The following CHM variants were observed in gnomAD, a reference collection of about 807,000 sequenced individuals.
CHM encodes rab proteins geranylgeranyltransferase component A 1.
CHM carries 10 observed loss-of-function variants against 49.0 expected under a neutral mutation model. The observed-to-expected ratio is 0.20, with a 90% CI of 0.13 to 0.35. The LOEUF is 0.35. Ranked by LOEUF, CHM falls within the 10% of genes least tolerant of loss-of-function variation. The pLI is 1.00. For missense variants in CHM, 455 were observed against 478.4 expected (o/e 0.95, Z 0.46); for synonymous variants, 184 against 167.5 (o/e 1.10, Z -0.76).
intron 2 of CHM, among the ~76,000 whole-genome samples, chrX:85,993,822 AC>A (rs1340380065): frequency 9.0e-6 from 1 of 111,727 alleles, no homozygotes; most frequent in Non-Finnish European, 1.9e-5. Flanking sequence ...CCACCATAAA[AC>A]TAATGATGGA....
chrX:85,934,607 C>A (rs1928670285), intron 8 of CHM, among the ~76,000 whole-genome samples: 1 of 109,733 alleles, frequency 9.1e-6, no homozygotes, highest in South Asian at 4.0e-4. Flanking sequence ...CTACAAAGGA[C>A]ATGAACTCAT....
At chrX:85,972,663 G>A (rs892895157) in intron 4 of CHM, among the ~76,000 whole-genome samples, 3 of 112,719 alleles carry the variant, frequency 2.7e-5, no homozygotes, top group Admixed American at 9.2e-5. Flanking sequence ...TGCGGGGCCC[G>A]CCAAGCCCAC....
At chrX:85,913,407 AAGG>A (rs1927247053) in intron 8 of CHM, among the ~76,000 whole-genome samples, 1 of 100,087 alleles carries the variant, frequency 1.0e-5, no homozygotes, top group Non-Finnish European at 2.1e-5. Context: ...GGAAAGGAGA[AAGG>A]AGACGGGAGA....
intron 4 of CHM, among the ~76,000 whole-genome samples, chrX:85,977,004 A>T (rs1292246113): frequency 2.7e-3 from 302 of 111,750 alleles, no homozygotes; most frequent in African/African-American, 9.4e-3. Context: ...TATAATGTAA[A>T]ACTTTGTGAC....
chrX:86,039,510 CAAA>C (rs769393073), intron 1 of CHM, among the ~76,000 whole-genome samples: 3 of 40,191 alleles, frequency 7.5e-5, no homozygotes. Context: ...TGGCCTAGAC[CAAA>C]AAAAAAAAAA....
At position 85,957,972 on chromosome X, in the gene CHM, G is replaced by C; in HGVS notation, c.823C>G (p.Pro275Ala). ...TTAAAGACATCTGCTCTGGAACACG[G>C]AACCTGAAAAATATTATGATTTTAA... is the stretch of plus-strand genomic sequence containing the variant. ...AFREGRVEQVPCSRADVFNSK... is the reference protein window; with the variant it reads ...AFREGRVEQVACSRADVFNSK... Residue 275 changes from proline (P) to alanine (A), a missense_variant, in exon 7 of 15, where the codon CCG (proline) becomes GCG (alanine). Physicochemically the swap from Pro to Ala is conservative, Grantham distance 27. Coordinates refer to ENST00000357749, the MANE Select transcript of CHM (RefSeq NM_000390.4). 1 of 1,209,538 alleles carries C rather than the reference G, an allele frequency of 8.3e-7. No homozygotes were observed. The highest frequency in any genetic ancestry group is 1.1e-6 in the Non-Finnish European group (1 of 894,115).
chrX:85,978,861 C>T lies in CHM; in HGVS notation c.220G>A (p.Val74Met). Residue 74 changes from valine to methionine, a missense_variant, in exon 4 of 15, where the codon GTG (valine) becomes ATG (methionine). Transcript: ENST00000357749. Reference sequence around the variant, plus strand: ...TTTTCAAGGATCTGGTCTTGCCACACTGGACTGTCACTTACAATGTCACTG... The same window carrying T: ...TTTTCAAGGATCTGGTCTTGCCACATTGGACTGTCACTTACAATGTCACTG... ...ENSDIVSDSP[V>M]WQDQILENEE... is the part of the protein sequence containing the mutation. 8.3e-7 allele frequency: 1 copy of T among 1,207,317 alleles called. No homozygotes were observed. The highest frequency in any genetic ancestry group is 1.7e-5 in the African/African-American group (1 of 57,793).
At chrX:85,993,832 G>C (rs1932321161) in intron 2 of CHM, among the ~76,000 whole-genome samples, 2 of 111,515 alleles carry the variant, frequency 1.8e-5, no homozygotes, top group African/African-American at 6.5e-5. Context: ...ACTAATGATG[G>C]AACTAGTAAA....
chrX:85,951,021 T>C (rs759893347), intron 8 of CHM, among the ~76,000 whole-genome samples: 71 of 112,102 alleles, frequency 6.3e-4, no homozygotes, highest in African/African-American at 2.2e-3. Context: ...TAGCATTGTT[T>C]ACTCAGTAAA....
chrX:85,937,518 T>C (rs1222659412), intron 8 of CHM, among the ~76,000 whole-genome samples: 3 of 109,243 alleles, frequency 2.7e-5, no homozygotes, highest in African/African-American at 1.0e-4. Context: ...CTAAGTTAGT[T>C]AGCACTGAAG....
At chrX:85,869,271 C>T (rs1923898218) in intron 14 of CHM, among the ~76,000 whole-genome samples, 1 of 111,599 alleles carries the variant, frequency 9.0e-6, no homozygotes, top group African/African-American at 3.3e-5. Flanking sequence ...AGTGCCTTGG[C>T]ATAAAATAGA....
chrX:85,932,228 C>T (rs186552711), intron 8 of CHM, among the ~76,000 whole-genome samples: 7 of 111,634 alleles, frequency 6.3e-5, no homozygotes, highest in African/African-American at 1.3e-4. Flanking sequence ...AAAACCTTTC[C>T]GAATGCAATA....
chrX:85,940,352 G>A (rs1401984056), intron 8 of CHM, among the ~76,000 whole-genome samples: 2 of 111,728 alleles, frequency 1.8e-5, no homozygotes, highest in Non-Finnish European at 3.8e-5. Flanking sequence ...CTAGTTTGAG[G>A]TTACTTGTTA....
At chrX:86,017,066 T>C (rs934755422) in intron 2 of CHM, among the ~76,000 whole-genome samples, 2 of 112,525 alleles carry the variant, frequency 1.8e-5, no homozygotes, top group Non-Finnish European at 3.8e-5. Flanking sequence ...ATGGGCCCTA[T>C]AGCCATTTTG....
chrX:86,041,512 A>G (rs1457781034), intron 1 of CHM, among the ~76,000 whole-genome samples: 4 of 109,267 alleles, frequency 3.7e-5, no homozygotes, highest in African/African-American at 1.3e-4. Flanking sequence ...AAAAACTATG[A>G]GGAAAACAAA....
At chrX:86,011,485 T>G (rs921608836) in intron 2 of CHM, among the ~76,000 whole-genome samples, 12 of 111,275 alleles carry the variant, frequency 1.1e-4, no homozygotes, top group African/African-American at 2.9e-4. Context: ...GAAGCATATA[T>G]AACTGTAAAC....
chrX:86,002,663 G>A (rs924326800), intron 2 of CHM, among the ~76,000 whole-genome samples: 6 of 112,152 alleles, frequency 5.3e-5, no homozygotes, highest in Admixed American at 1.9e-4. Context: ...GGAGAACTGC[G>A]AGGAGGCAGC....
intron 14 of CHM, among the ~76,000 whole-genome samples, chrX:85,865,827 TG>T (rs772986141): frequency 8.9e-6 from 1 of 112,093 alleles, no homozygotes; most frequent in African/African-American, 3.2e-5. Context: ...TAGAGATCTG[TG>T]AAACTTTGAA....
chrX:86,035,203 C>A (rs1437263184), intron 1 of CHM, among the ~76,000 whole-genome samples: 1 of 111,925 alleles, frequency 8.9e-6, no homozygotes, highest in East Asian at 2.8e-4. Context: ...AAAAGGAAAA[C>A]ATTTTTCACT....
Sources: gnomAD v4.1 joint callset for allele counts (sites outside exome capture counted in the v4.1 genomes callset) on GRCh38, gnomAD v4.1.1 for gene constraint, MANE v1.5 for transcripts, NCBI Gene and HGNC (gene_info 2026-07-23, HGNC 2026-07-21) for gene names.